The following SPAG16 variants were observed in gnomAD, a reference collection of about 807,000 sequenced individuals.
SPAG16 encodes sperm-associated antigen 16 protein.
A neutral mutation model predicts 80.4 loss-of-function variants in SPAG16; 86 were observed. The observed-to-expected ratio is 1.07, with a 90% CI of 0.90 to 1.28. The LOEUF is 1.28. Among genes scored for constraint, SPAG16 ranks in the 50% most tolerant of loss-of-function variants. The probability of loss-of-function intolerance (pLI) is 0.00; values close to 1 mark genes in which losing one functional copy is unlikely to be tolerated. For synonymous variants in SPAG16, 294 were observed against 265.9 expected (o/e 1.11, Z -1.03); for missense variants, 870 against 765.3 (o/e 1.14, Z -1.61).
chr2:214,180,475 G>C (rs769333765), intron 15 of SPAG16, among the ~76,000 whole-genome samples: 3 of 151,544 alleles, frequency 2.0e-5, no homozygotes, highest in Non-Finnish European at 4.4e-5. Context: ...TAGTATCCAA[G>C]TATTTCCAAA....
intron 13 of SPAG16, among the ~76,000 whole-genome samples, chr2:214,074,129 A>G (rs987546337): frequency 6.6e-6 from 1 of 152,188 alleles, no homozygotes; most frequent in Non-Finnish European, 1.5e-5. Context: ...TGAGAATAAA[A>G]TGAGAAAACA....
rs1483479219 is a variant in SPAG16, at chr2:213,525,117, C to T, written c.1070+35027C>T. Among the ~76,000 whole-genome samples the T allele has an allele frequency of 2.0e-5, 3 of 151,984 alleles. No homozygotes were observed. The East Asian group carries it at 5.8e-4, about 29-fold the overall frequency. On this transcript the variant is annotated intron_variant, in intron 10 of 15. Coordinates refer to ENST00000331683, the MANE Select transcript of SPAG16 (RefSeq NM_024532.5). ...CATGATAGTGAGTGTGTTCTTACAA[C>T]ATCTGATGTTTGTATAAGGGGCTTT...
At chr2:213,703,301 C>T (rs1173437204) in intron 10 of SPAG16, among the ~76,000 whole-genome samples, 1 of 152,186 alleles carries the variant, frequency 6.6e-6, no homozygotes, top group African/African-American at 2.4e-5. Flanking sequence ...TTATTAGGAA[C>T]TTGGCTGTCC....
Position 213,366,685 on chromosome 2 carries a change from A to G in SPAG16, c.832+2540A>G, listed in dbSNP as rs558387879. Among the ~76,000 whole-genome samples the G allele has an allele frequency of 7.3e-4, 111 of 152,296 alleles. 3 individuals are homozygous for G. The South Asian group carries it at 0.023, about 31-fold the overall frequency. ...ACACATGGGGATTATGGGAGCTACA[A>G]TTCAAGATGAGATTTGGGTGGGGAC... is the stretch of plus-strand genomic sequence containing the variant. On this transcript the variant is annotated intron_variant, in intron 8 of 15. Transcript: ENST00000331683.
At chr2:213,747,609 C>A (rs1262587873) in intron 10 of SPAG16, among the ~76,000 whole-genome samples, 1 of 152,166 alleles carries the variant, frequency 6.6e-6, no homozygotes, top group Non-Finnish European at 1.5e-5. Context: ...ATGTTACTAT[C>A]GCTACAATAT....
chr2:213,716,240 T>G (rs1187646929), intron 10 of SPAG16, among the ~76,000 whole-genome samples: 1 of 152,146 alleles, frequency 6.6e-6, no homozygotes, highest in African/African-American at 2.4e-5. Context: ...AACTCTACTC[T>G]TCATACGAAA....
intron 15 of SPAG16, among the ~76,000 whole-genome samples, chr2:214,323,126 G>A (rs1448226463): frequency 6.6e-6 from 1 of 152,066 alleles, no homozygotes; most frequent in Non-Finnish European, 1.5e-5. Flanking sequence ...TGTTGAGGAT[G>A]GCTGTTGATA....
intron 10 of SPAG16, among the ~76,000 whole-genome samples, chr2:213,592,040 T>G (rs1341785744): frequency 1.3e-5 from 2 of 152,196 alleles, no homozygotes; most frequent in Non-Finnish European, 2.9e-5. Context: ...ATGTTTAAAA[T>G]TCATTGCTCT....
chr2:213,615,056 G>A (rs2061548994), intron 10 of SPAG16, among the ~76,000 whole-genome samples: 1 of 152,166 alleles, frequency 6.6e-6, no homozygotes, highest in South Asian at 2.1e-4. Flanking sequence ...TAATCTGAGA[G>A]TCTCAGAGTG....
At chr2:213,918,554 G>T (rs1393850171) in intron 11 of SPAG16, among the ~76,000 whole-genome samples, 2 of 152,096 alleles carry the variant, frequency 1.3e-5, no homozygotes, top group African/African-American at 4.8e-5. Flanking sequence ...CTGTTCTTTT[G>T]TTAGTGAATA....
At chr2:213,862,237 AC>A (rs1169353567) in intron 10 of SPAG16, among the ~76,000 whole-genome samples, 1 of 152,160 alleles carries the variant, frequency 6.6e-6, no homozygotes, top group African/African-American at 2.4e-5. Flanking sequence ...ACCTAAACCA[AC>A]TACTTTGTCT....
intron 14 of SPAG16, among the ~76,000 whole-genome samples, chr2:214,141,511 T>G (rs2055359675): frequency 6.6e-6 from 1 of 151,984 alleles, no homozygotes; most frequent in Non-Finnish European, 1.5e-5. Context: ...TAAATATTTG[T>G]GCTCACCATT....
chr2:214,172,148 G>A (rs1015616858), intron 15 of SPAG16, among the ~76,000 whole-genome samples: 1 of 151,526 alleles, frequency 6.6e-6, no homozygotes, highest in Non-Finnish European at 1.5e-5. Flanking sequence ...ACAATGTGCA[G>A]GTTAGTTACA....
chr2:214,336,396 G>A (rs1697290129), intron 15 of SPAG16, among the ~76,000 whole-genome samples: 1 of 151,960 alleles, frequency 6.6e-6, no homozygotes, highest in South Asian at 2.1e-4. Flanking sequence ...AATTAAATAG[G>A]TATAAACAAA....
chr2:213,814,577 G>T (rs2072393318), intron 10 of SPAG16, among the ~76,000 whole-genome samples: 1 of 152,132 alleles, frequency 6.6e-6, no homozygotes, highest in Admixed American at 6.5e-5. Context: ...GGATCATGAG[G>T]TCAGGAGTTT....
intron 10 of SPAG16, among the ~76,000 whole-genome samples, chr2:213,545,781 G>A (rs953002579): frequency 6.6e-6 from 1 of 151,956 alleles, no homozygotes; most frequent in African/African-American, 2.4e-5. Flanking sequence ...AACACTTTAC[G>A]CTTGGGAGGG....
chr2:214,404,166 A>C (rs1298691212), intron 15 of SPAG16, among the ~76,000 whole-genome samples: 1 of 152,228 alleles, frequency 6.6e-6, no homozygotes, highest in Non-Finnish European at 1.5e-5. Context: ...TAGCAAATGC[A>C]GATTTGTATC....
intron 10 of SPAG16, among the ~76,000 whole-genome samples, chr2:213,761,908 C>T (rs2068686299): frequency 6.6e-6 from 1 of 151,262 alleles, no homozygotes; most frequent in Non-Finnish European, 1.5e-5. Context: ...AAAAAAAAAC[C>T]CTACAGACCA....
intron 10 of SPAG16, among the ~76,000 whole-genome samples, chr2:213,614,910 G>C (rs1036788974): frequency 6.6e-6 from 1 of 152,176 alleles, no homozygotes; most frequent in Non-Finnish European, 1.5e-5. Flanking sequence ...ATGGGGTAGA[G>C]GTTAAAAGGA....
Sources: allele counts gnomAD v4.1 joint callset (sites outside exome capture counted in the v4.1 genomes callset), GRCh38; gene constraint gnomAD v4.1.1; transcripts MANE v1.5; gene names NCBI Gene and HGNC (gene_info 2026-07-23, HGNC 2026-07-21).